The following TPM1 variants were observed in gnomAD, a reference collection of about 807,000 sequenced individuals.
TPM1 encodes the protein tropomyosin 1, also known as tropomyosin alpha-1 chain.
Under a neutral mutation model 42.9 loss-of-function variants are expected in TPM1, and 24 were observed. The observed-to-expected ratio is 0.56, with a 90% confidence interval of 0.41 to 0.79. The LOEUF is 0.79. Ranked by LOEUF, TPM1 falls within the 30% of genes least tolerant of loss-of-function variation. The pLI is 0.00. For missense variants in TPM1, 158 were observed against 351.8 expected, an observed-to-expected ratio of 0.45 and a Z score of 4.41; for synonymous variants, 136 against 130.1, an observed-to-expected ratio of 1.05 and a Z score of -0.31.
chr15:63,050,168 A>G (rs2033553267), intron 2 of TPM1, among the ~76,000 whole-genome samples: 1 of 152,252 alleles, frequency 6.6e-6, no homozygotes, highest in Non-Finnish European at 1.5e-5. Flanking sequence ...CGCTGTCATT[A>G]AAACTGCACA....
At chr15:63,066,536 C>T (rs192973397), downstream of TPM1, among the ~76,000 whole-genome samples, 126 of 152,284 alleles carry the variant, frequency 8.3e-4, no homozygotes, top group African/African-American at 3.0e-3. Flanking sequence ...ACCTGGCTAA[C>T]TAATGAAAGG....
chr15:63,068,248 C>T (rs2036394532), downstream of TPM1, among the ~76,000 whole-genome samples: 1 of 152,128 alleles, frequency 6.6e-6, no homozygotes, highest in Non-Finnish European at 1.5e-5. Flanking sequence ...ATAAGCTGGG[C>T]ATCTGATGGG....
intron 3 of TPM1, 132 bp downstream of exon 3, chr15:63,057,250 A>G: frequency 7.8e-7 from 1 of 1,284,884 alleles, no homozygotes; most frequent in Non-Finnish European, 1.1e-6. Context: ...TATTGATCCC[A>G]GGTATAACTC....
intron 9 of TPM1, 123 bp downstream of exon 9, chr15:63,064,265 A>G: frequency 1.9e-6 from 3 of 1,540,054 alleles, no homozygotes; most frequent in Non-Finnish European, 2.6e-6. Flanking sequence ...CCTTTTTGTC[A>G]TAACCTAGAA....
In TPM1 at chr15:63,064,044, C is replaced by T. The variant is rs774029887; in HGVS notation, c.773-20C>T. On this transcript the variant is annotated intron_variant, in intron 8 of 9. Transcript: ENST00000403994. ...ACTCTCCATGTTCTTGCACCTCTGC[C>T]TTCCACTTCCTGGTCATAGACGAGC... 2 of 1,613,516 alleles carry T rather than the reference C, an allele frequency of 1.2e-6. No individual in the cohort carries two copies. Among genetic ancestry groups the T allele is most frequent in the Admixed American group, 1.7e-5 (1 of 59,998 alleles).
chr15:63,071,449 A>C, exon 9 of TPM1: 1 of 411,790 alleles, frequency 2.4e-6, no homozygotes, highest in Non-Finnish European at 4.6e-6. Context: ...ATCCTCACTA[A>C]AGCAGAAGAA....
At chr15:63,043,749 C>G in intron 1 of TPM1, 1 of 1,549,554 alleles carries the variant, frequency 6.5e-7, no homozygotes, top group Non-Finnish European at 8.7e-7. Flanking sequence ...CTGCGGGTGT[C>G]GGAGGACGAG....
At position 63,048,791 on chromosome 15, in the gene TPM1, C is replaced by T. The variant is rs117389407; in HGVS notation, c.240+4639C>T. 0.15 allele frequency: 222,086 copies of T among 1,493,676 alleles called. 20,682 individuals carry two copies. Among genetic ancestry groups the T allele is most frequent in the East Asian group, 0.46 (18,050 of 39,202 alleles). 92.5% of individuals were successfully genotyped at this position (1,493,676 alleles called of 1,614,324 possible). A position where few individuals can be genotyped will look rare whatever the true frequency, so the allele number is the denominator to read the frequency against. ...CGCAGGGCCCTCCTGCTTCCCCCCC[C>T]GCAGGCCCCGGTCCCTCGTCCCCAC... is the stretch of plus-strand genomic sequence containing the variant. On this transcript the variant is annotated intron_variant, in intron 2 of 9. Coordinates refer to ENST00000403994, the MANE Select transcript of TPM1 (RefSeq NM_001018005.2).
At chr15:63,058,920 G>A (rs541022629) in intron 3 of TPM1, among the ~76,000 whole-genome samples, 1 of 152,190 alleles carries the variant, frequency 6.6e-6, no homozygotes, top group Admixed American at 6.5e-5. Context: ...ACAGTGTCAG[G>A]CCTGTCTCCC....
At chr15:63,065,861 T>A in intron 9 of TPM1, 35 bp from the exon 10 acceptor site, 1 of 1,573,154 alleles carries the variant, frequency 6.4e-7, no homozygotes, top group Non-Finnish European at 8.7e-7. Flanking sequence ...ATTGTGCCAC[T>A]TTTTTTTTCC....
At chr15:63,063,959 T>C (rs1278004917) in intron 8 of TPM1, 105 bp from the exon 9 acceptor site, 6 of 1,511,074 alleles carry the variant, frequency 4.0e-6, no homozygotes, top group African/African-American at 1.4e-5. Context: ...ATTGCCCTTT[T>C]CTTGCTGCTG....
intron 2 of TPM1, among the ~76,000 whole-genome samples, chr15:63,052,093 G>A (rs2033993212): frequency 6.6e-6 from 1 of 150,546 alleles, no homozygotes; most frequent in African/African-American, 2.5e-5. Flanking sequence ...GAGGACATTG[G>A]TAGCCTTTAC....
At chr15:63,063,593 G>A (rs1184833885) in intron 8 of TPM1, among the ~76,000 whole-genome samples, 1 of 152,172 alleles carries the variant, frequency 6.6e-6, no homozygotes, top group Non-Finnish European at 1.5e-5. Flanking sequence ...ACCAGATAAG[G>A]ACTACAGGCT....
chr15:63,069,922 G>C, downstream of TPM1: 11 of 1,614,118 alleles, frequency 6.8e-6, no homozygotes, highest in Non-Finnish European at 9.3e-6. Flanking sequence ...ATGAACTAAA[G>C]CTGGCCCTGA....
intron 2 of TPM1, chr15:63,044,920 A>AAG (rs1430200632): frequency 6.6e-6 from 1 of 152,010 alleles, no homozygotes; most frequent in East Asian, 2.0e-4. Context: ...GCACACAGCT[A>AAG]AGGCTCTCCT....
downstream of TPM1, among the ~76,000 whole-genome samples, chr15:63,066,507 G>A (rs1034611738): frequency 2.6e-5 from 4 of 152,144 alleles, no homozygotes; most frequent in Admixed American, 2.0e-4. Context: ...TGATTATTTC[G>A]GTGGCCTTAC....
intron 2 of TPM1, among the ~76,000 whole-genome samples, chr15:63,051,650 G>A (rs2033900321): frequency 6.6e-6 from 1 of 151,986 alleles, no homozygotes; most frequent in Non-Finnish European, 1.5e-5. Context: ...ACTACAGTTT[G>A]CATGAAATAA....
At chr15:63,061,032 T>G (rs2035547553) in intron 5 of TPM1, 93 bp downstream of exon 5, 3 of 1,532,810 alleles carry the variant, frequency 2.0e-6, no homozygotes, top group Non-Finnish European at 2.7e-6. Flanking sequence ...ATTACCTGTT[T>G]CAGCTCCGGG....
At chr15:63,054,174 A>G (rs749026583) in intron 2 of TPM1, among the ~76,000 whole-genome samples, 1 of 152,064 alleles carries the variant, frequency 6.6e-6, no homozygotes, top group Non-Finnish European at 1.5e-5. Context: ...TCCTCCCACT[A>G]TATCACAAAC....
Sources: allele counts gnomAD v4.1 joint callset (sites outside exome capture counted in the v4.1 genomes callset), GRCh38; gene constraint gnomAD v4.1.1; transcripts MANE v1.5; gene names NCBI Gene and HGNC (gene_info 2026-07-23, HGNC 2026-07-21).